The following PTPRG variants were observed in gnomAD, a reference collection of about 807,000 sequenced individuals.
PTPRG encodes the protein protein tyrosine phosphatase receptor type G.
In PTPRG, 102 loss-of-function variants were observed where a neutral mutation model predicts 165.3. That is an observed-to-expected ratio of 0.62 (90% CI 0.53 to 0.73). The LOEUF is 0.73. Ranked by LOEUF, PTPRG falls within the 30% of genes least tolerant of loss-of-function variation. The pLI is 0.00. For synonymous variants in PTPRG, 675 were observed against 669.5 expected (o/e 1.01, Z -0.13); for missense variants, 1,866 against 1,861.4 (o/e 1.00, Z -0.05).
chr3:61,570,065 G>T (rs1381726976), intron 1 of PTPRG, among the ~76,000 whole-genome samples: 1 of 152,154 alleles, frequency 6.6e-6, no homozygotes, highest in African/African-American at 2.4e-5. Flanking sequence ...GAGGGAAATA[G>T]GTTACTCATT....
Position 61,613,003 on chromosome 3 carries a change from G to A in PTPRG, c.85+50631G>A, listed in dbSNP as rs562102817. On this transcript the variant is annotated intron_variant, in intron 1 of 29. Coordinates refer to ENST00000474889, the MANE Select transcript of PTPRG (RefSeq NM_002841.4). ...TTCCTTGCTGTCTGTGCTCACCTTC[G>A]ACGAGAAATGCTTTCCATAAAGCCA... is the stretch of plus-strand genomic sequence containing the variant. Among the ~76,000 whole-genome samples the A allele has an allele frequency of 4.9e-4, 75 of 152,106 alleles. 5 individuals are homozygous for A. In the South Asian group the frequency reaches 0.016, roughly 32 times the overall value.
At chr3:61,641,204 T>C (rs2106953140) in intron 1 of PTPRG, among the ~76,000 whole-genome samples, 1 of 152,190 alleles carries the variant, frequency 6.6e-6, no homozygotes, top group African/African-American at 2.4e-5. Context: ...TCCTTCCTCC[T>C]CCTCTCTCCA....
chr3:62,010,592 C>T (rs2041397973), intron 4 of PTPRG, among the ~76,000 whole-genome samples: 1 of 151,974 alleles, frequency 6.6e-6, no homozygotes, highest in African/African-American at 2.4e-5. Flanking sequence ...TACTCAGCAG[C>T]ATCTCATGAG....
chr3:61,629,564 G>T (rs114875362), intron 1 of PTPRG, among the ~76,000 whole-genome samples: 1 of 152,134 alleles, frequency 6.6e-6, no homozygotes, highest in South Asian at 2.1e-4. Context: ...GTTCATCTGC[G>T]CTGCTGCTTT....
chr3:61,856,806 T>A (rs1242763492), intron 2 of PTPRG, among the ~76,000 whole-genome samples: 1 of 152,208 alleles, frequency 6.6e-6, no homozygotes, highest in Non-Finnish European at 1.5e-5. Context: ...TAGTAATTAA[T>A]GCTTAGAAAG....
chr3:62,217,485 A>G lies in PTPRG; in HGVS notation c.2156-1366A>G, dbSNP rs1700541014. ...CAATTCTTTCTTCCCTACTCAGCCT[A>G]CCTTCTCTCACCTGGAAACTCAACC... On this transcript the variant is annotated intron_variant, in intron 12 of 29. Coordinates refer to ENST00000474889, the MANE Select transcript of PTPRG (RefSeq NM_002841.4). The surrounding 1 kb of genome is among the most constrained non-coding windows in gnomAD (Gnocchi z 4.3). 6.6e-6 allele frequency: 1 copy of G among 152,096 alleles called. No homozygotes were observed. The highest frequency in any genetic ancestry group is 1.5e-5 in the Non-Finnish European group (1 of 68,040). 9.4% of individuals were successfully genotyped at this position (152,096 alleles called of 1,614,324 possible).
intron 5 of PTPRG, among the ~76,000 whole-genome samples, chr3:62,078,567 G>A (rs1025897232): frequency 5.4e-5 from 8 of 148,366 alleles, no homozygotes; most frequent in Admixed American, 4.7e-4. Flanking sequence ...CATATTAAGA[G>A]ACTGATATAA....
intron 13 of PTPRG, among the ~76,000 whole-genome samples, chr3:62,223,300 G>A (rs1162239443): frequency 6.6e-6 from 1 of 152,154 alleles, no homozygotes; most frequent in Non-Finnish European, 1.5e-5. Flanking sequence ...CCTGGATTTG[G>A]AGCCACACTC....
chr3:62,001,505 A>G (rs934506716), intron 3 of PTPRG, among the ~76,000 whole-genome samples: 1 of 152,166 alleles, frequency 6.6e-6, no homozygotes, highest in Non-Finnish European at 1.5e-5. Context: ...CAGTGTTTGA[A>G]ACACTACTGA....
At chr3:61,721,511 A>G (rs2032042250) in intron 1 of PTPRG, among the ~76,000 whole-genome samples, 1 of 152,226 alleles carries the variant, frequency 6.6e-6, no homozygotes, top group Non-Finnish European at 1.5e-5. Flanking sequence ...GCACAAAGTC[A>G]CATCAGCCAA....
chr3:61,899,276 A>G (rs1365067198), intron 2 of PTPRG, among the ~76,000 whole-genome samples: 2 of 152,178 alleles, frequency 1.3e-5, no homozygotes, highest in East Asian at 3.8e-4. Flanking sequence ...TGTTAGTTAC[A>G]CATGGAATGG....
At chr3:62,188,958 G>A (rs1294025696) in intron 8 of PTPRG, among the ~76,000 whole-genome samples, 3 of 152,068 alleles carry the variant, frequency 2.0e-5, no homozygotes, top group Admixed American at 1.3e-4. Context: ...CGCCTCCTCC[G>A]TGTTCTGTCT....
At chr3:61,676,069 C>T (rs1316652780) in intron 1 of PTPRG, among the ~76,000 whole-genome samples, 1 of 152,046 alleles carries the variant, frequency 6.6e-6, no homozygotes, top group Non-Finnish European at 1.5e-5. Flanking sequence ...TTTTTCACTA[C>T]CCAAGAAGGA....
At chr3:62,079,681 T>C (rs997995381) in intron 5 of PTPRG, among the ~76,000 whole-genome samples, 10 of 152,206 alleles carry the variant, frequency 6.6e-5, no homozygotes, top group African/African-American at 2.4e-4. Context: ...TCCTCATTAC[T>C]TTTCATGAAC....
chr3:61,952,603 A>G (rs1254127922), intron 2 of PTPRG, among the ~76,000 whole-genome samples: 1 of 152,064 alleles, frequency 6.6e-6, no homozygotes, highest in Non-Finnish European at 1.5e-5. Context: ...TTCCTCCTTG[A>G]CGCCGGAGTT....
At chr3:62,105,573 ATTTAAGAATAGAAGGTTTCCTGAAGAC>A (rs1702446733) in intron 5 of PTPRG, among the ~76,000 whole-genome samples, 1 of 152,198 alleles carries the variant, frequency 6.6e-6, no homozygotes, top group East Asian at 1.9e-4. Context: ...CTAGAGAGGC[ATTTAAGAATAGAAGGTTTCCTGAAGAC>A]TTTCTGGAGG....
Position 62,080,061 on chromosome 3 carries a change from C to CTT in PTPRG, c.615+1803_615+1804insTT, listed in dbSNP as rs774262138. Among the ~76,000 whole-genome samples, 217 of 111,530 alleles carry CTT rather than the reference C, an allele frequency of 1.9e-3. 12 individuals carry two copies. The highest frequency in any genetic ancestry group is 0.01 in the South Asian group (38 of 3,764). 73.2% of individuals were successfully genotyped at this position (111,530 alleles called of 152,430 possible). On this transcript the variant is annotated intron_variant, in intron 5 of 29. Transcript: ENST00000474889. ...GAGTTCTGTCTGGACCCCTTCGGTTCATTTTTTTTTTTTTTTTTTTTGAGA... is the reference window on the plus strand; with the variant it reads ...GAGTTCTGTCTGGACCCCTTCGGTTCTTATTTTTTTTTTTTTTTTTTTTGAGA...
intron 5 of PTPRG, among the ~76,000 whole-genome samples, chr3:62,111,813 A>G (rs77699380): frequency 5.9e-5 from 9 of 152,262 alleles, no homozygotes; most frequent in East Asian, 1.9e-4. Flanking sequence ...TTAAATGTCA[A>G]TTGTCCCACA....
chr3:62,263,538 T>C (rs552577525), intron 17 of PTPRG: 1 of 152,614 alleles, frequency 6.6e-6, no homozygotes, highest in Non-Finnish European at 1.5e-5. Context: ...TGGCATATAA[T>C]ATATGCTTTG....
Sources: gnomAD v4.1 joint callset for allele counts (sites outside exome capture counted in the v4.1 genomes callset) on GRCh38, gnomAD v4.1.1 for gene constraint, Gnocchi (gnomAD v3.1) non-coding constraint, MANE v1.5 for transcripts, NCBI Gene and HGNC (gene_info 2026-07-23, HGNC 2026-07-21) for gene names.